Variants in BANK1 observed in about 807,000 individuals in gnomAD.
BANK1 encodes the protein B cell scaffold protein with ankyrin repeats 1, also known as B-cell scaffold protein with ankyrin repeats.
A neutral mutation model predicts 94.5 loss-of-function variants in BANK1; 95 were observed. The observed-to-expected ratio is 1.00, with a 90% CI of 0.85 to 1.19. The LOEUF (loss-of-function observed/expected upper bound fraction) is 1.19, where lower values mean the gene tolerates loss of function less well. BANK1 is among the 50% of genes most tolerant of loss of function. The pLI, the probability that BANK1 is intolerant of heterozygous loss-of-function variation, is 0.00. For synonymous variants in BANK1, 334 were observed against 308.4 expected (o/e 1.08, Z -0.87); for missense variants, 987 against 932.2 (o/e 1.06, Z -0.77).
At chr4:101,804,559 C>A (rs1026943905) in intron 1 of BANK1, among the ~76,000 whole-genome samples, 3 of 152,136 alleles carry the variant, frequency 2.0e-5, no homozygotes, top group Non-Finnish European at 4.4e-5. Flanking sequence ...AGGTGATTTG[C>A]TTGATACATA....
At chr4:101,978,143 G>T (rs1449612486) in intron 7 of BANK1, among the ~76,000 whole-genome samples, 1 of 146,826 alleles carries the variant, frequency 6.8e-6, no homozygotes, top group Non-Finnish European at 1.5e-5. Flanking sequence ...AAAAAAGTAG[G>T]TACTTAAAAA....
At chr4:102,022,639 A>G (rs1466101885) in intron 8 of BANK1, among the ~76,000 whole-genome samples, 3 of 152,160 alleles carry the variant, frequency 2.0e-5, no homozygotes, top group Non-Finnish European at 4.4e-5. Flanking sequence ...GACTGCTGCT[A>G]AATAATGTAT....
At chr4:101,983,608 T>A (rs1463073416) in intron 7 of BANK1, among the ~76,000 whole-genome samples, 2 of 152,072 alleles carry the variant, frequency 1.3e-5, no homozygotes, top group Non-Finnish European at 2.9e-5. Context: ...ACTGACCTAT[T>A]TGAAGTGTAG....
chr4:101,925,465 T>A (rs72686761), intron 7 of BANK1, among the ~76,000 whole-genome samples: 7,035 of 151,810 alleles, frequency 0.046, 215 homozygotes, highest in Non-Finnish European at 0.072. Context: ...TAAAATTAAT[T>A]CAATACCCAC....
In BANK1 at chr4:102,025,441, C is replaced by A; in HGVS notation, c.1526C>A (p.Pro509His). 1 of 1,613,978 alleles carries A rather than the reference C, an allele frequency of 6.2e-7. No homozygotes were observed. The highest frequency in any genetic ancestry group is 2.2e-5 in the East Asian group (1 of 44,858). The change falls in exon 9 of 17, where the codon CCT becomes CAT. Residue 509 changes from proline to histidine, a missense_variant. Coordinates refer to ENST00000322953, the MANE Select transcript of BANK1 (RefSeq NM_017935.5). ...NSQEPLMSSR[P>H]PLPPPRPVAN... ...CAAGAGCCACTCATGAGCAGCAGAC[C>A]TCCTCTCCCCCCGCCGCGACCTGTA...
At chr4:101,967,124 A>G (rs1227113685) in intron 7 of BANK1, among the ~76,000 whole-genome samples, 1 of 152,082 alleles carries the variant, frequency 6.6e-6, no homozygotes, top group Non-Finnish European at 1.5e-5. Context: ...GTGGAACTGA[A>G]ATGTTGCCAT....
chr4:101,868,404 A>T (rs923930071), intron 4 of BANK1, among the ~76,000 whole-genome samples: 1 of 151,996 alleles, frequency 6.6e-6, no homozygotes, highest in Admixed American at 6.6e-5. Flanking sequence ...ATAAAGATAT[A>T]TTCTCCAAGA....
Position 102,010,502 on chromosome 4 carries a change from C to T in BANK1, c.1207-11012C>T, listed in dbSNP as rs7664047. ...CCGCCTCCCGGGTTCCAGCAACTCT[C>T]CTGCCTCAGCCTCCCAAGTAGCTGA... On this transcript the variant is annotated intron_variant, in intron 7 of 16. Coordinates refer to ENST00000322953, the MANE Select transcript of BANK1 (RefSeq NM_017935.5). Among the ~76,000 whole-genome samples the T allele has an allele frequency of 4.6e-3, 697 of 150,512 alleles. 5 individuals are homozygous for T. Among genetic ancestry groups the T allele is most frequent in the African/African-American group, 0.016 (659 of 40,910 alleles).
chr4:101,981,016 C>A (rs1329013074), intron 7 of BANK1, among the ~76,000 whole-genome samples: 1 of 152,072 alleles, frequency 6.6e-6, no homozygotes, highest in Admixed American at 6.6e-5. Flanking sequence ...ACATCATCTG[C>A]AAATATAGTG....
rs371848249 is a variant in BANK1 at position 102,060,400 on chromosome 4, C to T, written c.2148+11C>T. Reference sequence around the variant, plus strand: ...GAAATGATTCAGCAGGTAATATTGGCCCAGTGTTTTCTGGGACATTCCCTC... The same window carrying T: ...GAAATGATTCAGCAGGTAATATTGGTCCAGTGTTTTCTGGGACATTCCCTC... On this transcript the variant is annotated intron_variant, in intron 12 of 16. Coordinates refer to ENST00000322953, the MANE Select transcript of BANK1 (RefSeq NM_017935.5). 3.5e-5 allele frequency: 55 copies of T among 1,590,188 alleles called. No individual in the cohort carries two copies. The highest frequency in any genetic ancestry group is 1.7e-4 in the Middle Eastern group (1 of 6,028).
intron 7 of BANK1, among the ~76,000 whole-genome samples, chr4:101,932,829 A>G (rs975300121): frequency 1.3e-5 from 2 of 151,558 alleles, no homozygotes; most frequent in African/African-American, 2.4e-5. Context: ...AAACAAAACA[A>G]TAGATTTTGT....
chr4:102,010,152 C>T (rs898847442), intron 7 of BANK1, among the ~76,000 whole-genome samples: 1 of 151,726 alleles, frequency 6.6e-6, no homozygotes, highest in South Asian at 2.1e-4. Context: ...GTAGTCCCAG[C>T]TACTCGGGAG....
intron 2 of BANK1, among the ~76,000 whole-genome samples, chr4:101,838,055 G>A (rs1182918168): frequency 2.0e-5 from 3 of 152,112 alleles, no homozygotes; most frequent in African/African-American, 7.2e-5. Flanking sequence ...CACCTCCAGA[G>A]TTCAAATGAT....
chr4:101,994,046 C>T (rs567161481), intron 7 of BANK1, among the ~76,000 whole-genome samples: 18 of 152,348 alleles, frequency 1.2e-4, no homozygotes, highest in African/African-American at 3.6e-4. Context: ...AGCACCTCAT[C>T]GCACTGGGCT....
At chr4:101,887,889 CTGCTT>C (rs1322240297) in intron 5 of BANK1, among the ~76,000 whole-genome samples, 7 of 152,150 alleles carry the variant, frequency 4.6e-5, no homozygotes, top group Non-Finnish European at 1.5e-5. Flanking sequence ...TTTAAATTAA[CTGCTT>C]TGAGCTGAGC....
chr4:101,833,044 A>G (rs1463969381), intron 2 of BANK1, among the ~76,000 whole-genome samples: 1 of 151,900 alleles, frequency 6.6e-6, no homozygotes, highest in Non-Finnish European at 1.5e-5. Context: ...CAATGGCACA[A>G]TCTCAGCTCA....
intron 7 of BANK1, among the ~76,000 whole-genome samples, chr4:101,981,436 T>C (rs370821704): frequency 5.3e-5 from 8 of 152,220 alleles, no homozygotes; most frequent in African/African-American, 1.2e-4. Context: ...TTGGTCATGA[T>C]ATATTTTTCT....
chr4:101,834,570 C>A (rs1224914167), intron 2 of BANK1, among the ~76,000 whole-genome samples: 3 of 152,036 alleles, frequency 2.0e-5, no homozygotes, highest in Non-Finnish European at 2.9e-5. Flanking sequence ...AAGTGCTCTG[C>A]TAAATTATTT....
chr4:101,820,057 C>T (rs1024048372), intron 1 of BANK1, among the ~76,000 whole-genome samples: 2 of 152,192 alleles, frequency 1.3e-5, no homozygotes, highest in Non-Finnish European at 2.9e-5. Flanking sequence ...ATTGCAGCCT[C>T]ATTGACTGTA....
Sources: allele counts gnomAD v4.1 joint callset (sites outside exome capture counted in the v4.1 genomes callset), GRCh38; gene constraint gnomAD v4.1.1; transcripts MANE v1.5; gene names NCBI Gene and HGNC (gene_info 2026-07-23, HGNC 2026-07-21).